Variants in ARGFX observed in about 807,000 individuals in gnomAD.
ARGFX encodes the protein arginine-fifty homeobox.
In ARGFX, 10 loss-of-function variants were observed where a neutral mutation model predicts 8.0. The observed-to-expected ratio is 1.25, with a 90% CI of 0.77 to 2.12. ARGFX has a LOEUF of 2.12. ARGFX is among the 30% of genes most tolerant of loss of function. ARGFX has a pLI of 0.00. For synonymous variants in ARGFX, 116 were observed against 117.8 expected (o/e 0.98, Z 0.10); for missense variants, 282 against 324.3 (o/e 0.87, Z 1.00).
intron 3 of ARGFX, among the ~76,000 whole-genome samples, chr3:121,579,408 T>C (rs2048764058): frequency 6.6e-6 from 1 of 152,160 alleles, no homozygotes; most frequent in South Asian, 2.1e-4. Context: ...TTCAAGTATA[T>C]AATGTTTATT....
At chr3:121,585,906 T>G in intron 4 of ARGFX, 116 bp from the exon 5 acceptor site, 1 of 993,450 alleles carries the variant, frequency 1.0e-6, no homozygotes, top group Non-Finnish European at 1.5e-6. Context: ...GAGCCCAGTG[T>G]CATGGTGAAT....
rs1181082343 is a variant in ARGFX at position 121,586,516 on chromosome 3, A to T, written c.864A>T (p.Thr288=). 5 of 1,614,156 alleles carry T rather than the reference A, an allele frequency of 3.1e-6. No homozygotes were observed. The highest frequency in any genetic ancestry group is 4.2e-6 in the Non-Finnish European group (5 of 1,180,016). ...CTGCACAAACCTGGCCCAATATGAC[A>T]AGCCAAGCCTTTGAAGCCTACAGTC... ...LSPAQTWPNM[T]SQAFEAYSLT... is the part of the protein sequence containing the mutation. The change falls in exon 5 of 5, where the codon ACA becomes ACT. Residue 288 remains threonine (T), a synonymous_variant. Transcript: ENST00000334384.
chr3:121,582,492 A>G (rs1001908842), intron 3 of ARGFX, among the ~76,000 whole-genome samples: 1 of 152,222 alleles, frequency 6.6e-6, no homozygotes, highest in African/African-American at 2.4e-5. Context: ...ATATATATGA[A>G]CTGAAAAAAT....
chr3:121,581,332 C>T (rs2048778961), intron 3 of ARGFX, among the ~76,000 whole-genome samples: 1 of 152,152 alleles, frequency 6.6e-6, no homozygotes, highest in African/African-American at 2.4e-5. Flanking sequence ...GAATGCAACA[C>T]ATTAATAAAA....
intron 4 of ARGFX, among the ~76,000 whole-genome samples, chr3:121,585,554 G>A (rs368161400): frequency 4.6e-5 from 7 of 151,760 alleles, no homozygotes; most frequent in African/African-American, 1.7e-4. Flanking sequence ...TGCCCAGGCT[G>A]GTCTCAAACT....
chr3:121,569,511 G>A (rs566112959), intron 1 of ARGFX, among the ~76,000 whole-genome samples: 91 of 152,012 alleles, frequency 6.0e-4, no homozygotes, highest in Middle Eastern at 3.4e-3. Context: ...GACTACAGGT[G>A]CGTGCCACCA....
chr3:121,577,239 ATATATATATATATATATATATT>A (rs1262299384), intron 3 of ARGFX, among the ~76,000 whole-genome samples: 1 of 61,660 alleles, frequency 1.6e-5, no homozygotes, highest in Admixed American at 2.3e-4. Flanking sequence ...ATATATATAT[ATATATATATATATATATATATT>A]TTTTTTTTTT....
At chr3:121,572,776 A>G (rs564190231) in intron 2 of ARGFX, among the ~76,000 whole-genome samples, 4 of 152,364 alleles carry the variant, frequency 2.6e-5, no homozygotes, top group South Asian at 2.1e-4. Context: ...TACAAATTAC[A>G]GTAATCAAAG....
In ARGFX at chr3:121,588,766, A is replaced by G. The variant is rs1416497212; in HGVS notation, c.*2166A>G. 6.6e-6 allele frequency among the ~76,000 whole-genome samples: 1 copy of G among 151,638 alleles called. No homozygotes were observed. Among genetic ancestry groups the G allele is most frequent in the Non-Finnish European group, 1.5e-5 (1 of 67,860 alleles). On this transcript the variant is annotated 3_prime_UTR_variant, in exon 5 of 5. Coordinates refer to ENST00000334384, the MANE Select transcript of ARGFX (RefSeq NM_001012659.2). ...ATCCTGCCTCTACTAAAAATACAAA[A>G]AAAAAAAAAAATTAGCTGGGCATGG...
chr3:121,582,479 CAT>C (rs1009659127), intron 3 of ARGFX, among the ~76,000 whole-genome samples: 2 of 151,998 alleles, frequency 1.3e-5, no homozygotes, highest in African/African-American at 2.4e-5. Context: ...TTGGATTTCA[CAT>C]ATATATATGA....
intron 3 of ARGFX, among the ~76,000 whole-genome samples, chr3:121,579,500 C>T (rs188667566): frequency 6.6e-6 from 1 of 152,308 alleles, no homozygotes; most frequent in Non-Finnish European, 1.5e-5. Flanking sequence ...TCCAGCGTGT[C>T]CTTGATACCA....
chr3:121,572,493 G>A (rs756235085), intron 2 of ARGFX, among the ~76,000 whole-genome samples: 189 of 151,806 alleles, frequency 1.2e-3, no homozygotes, highest in Non-Finnish European at 2.1e-3. Context: ...TGATCCACGC[G>A]CCTCGGCCTT....
At chr3:121,576,487 C>T (rs973734163) in intron 2 of ARGFX, among the ~76,000 whole-genome samples, 20 of 151,384 alleles carry the variant, frequency 1.3e-4, no homozygotes, top group South Asian at 1.3e-3. Flanking sequence ...TACAGGTGTG[C>T]GCCACCATGC....
chr3:121,585,807 C>T (rs1287392602), intron 4 of ARGFX, among the ~76,000 whole-genome samples: 4 of 152,152 alleles, frequency 2.6e-5, no homozygotes, highest in Non-Finnish European at 4.4e-5. Flanking sequence ...AACCCTGAAA[C>T]ACACCCGCTT....
chr3:121,578,259 C>T (rs2048756932), intron 3 of ARGFX, among the ~76,000 whole-genome samples: 1 of 152,008 alleles, frequency 6.6e-6, no homozygotes, highest in Non-Finnish European at 1.5e-5. Context: ...TCCAGAGTAG[C>T]TGGGATTACA....
At chr3:121,571,820 G>A (rs1425710354) in intron 2 of ARGFX, among the ~76,000 whole-genome samples, 1 of 148,536 alleles carries the variant, frequency 6.7e-6, no homozygotes, top group Non-Finnish European at 1.5e-5. Context: ...CTGACCTTTA[G>A]GGTTTTGTTT....
chr3:121,568,603 G>A (rs2048687589), intron 1 of ARGFX, among the ~76,000 whole-genome samples: 1 of 152,196 alleles, frequency 6.6e-6, no homozygotes, highest in Non-Finnish European at 1.5e-5. Context: ...ACAAGAGTCA[G>A]TAAGACCTGA....
rs114804048 is a variant in ARGFX at position 121,580,154 on chromosome 3, C to T, written c.220+3254C>T. Among the ~76,000 whole-genome samples, 360 of 151,244 alleles carry T rather than the reference C, an allele frequency of 2.4e-3. 3 individuals are homozygous for T. Among genetic ancestry groups the T allele is most frequent in the African/African-American group, 8.3e-3 (340 of 41,210 alleles). On this transcript the variant is annotated intron_variant, in intron 3 of 4. Transcript: ENST00000334384. The stretch of plus-strand genomic sequence containing the variant: ...GGATTTCACCATGTTTTTGTAGAGA[C>T]GGGATTTCACCATGTGGTCCAGACT...
intron 3 of ARGFX, among the ~76,000 whole-genome samples, chr3:121,579,945 C>CTTTTTTTTTTTTTTTTTTTTTT (rs1174620508): frequency 3.5e-4 from 32 of 91,572 alleles, no homozygotes; most frequent in South Asian, 7.1e-4. Context: ...CTTTTCTTTT[C>CTTTTTTTTTTTTTTTTTTTTTT]TTTTTTTTTT....
Sources: gnomAD v4.1 joint callset for allele counts (sites outside exome capture counted in the v4.1 genomes callset) on GRCh38, gnomAD v4.1.1 for gene constraint, MANE v1.5 for transcripts, NCBI Gene and HGNC (gene_info 2026-07-23, HGNC 2026-07-21) for gene names.